Variants in ADAMTSL1 observed in about 807,000 individuals in gnomAD.
The protein encoded by ADAMTSL1 is ADAMTS like 1, also known as ADAMTS-like protein 1.
In ADAMTSL1, 126 loss-of-function variants were observed where a neutral mutation model predicts 201.8. The observed-to-expected ratio is 0.62, with a 90% CI of 0.54 to 0.72. The LOEUF (loss-of-function observed/expected upper bound fraction) is 0.72, where lower values mean the gene tolerates loss of function less well. Ranked by LOEUF, ADAMTSL1 falls within the 30% of genes least tolerant of loss-of-function variation. The probability of loss-of-function intolerance (pLI) is 0.00; values close to 1 mark genes in which losing one functional copy is unlikely to be tolerated. For synonymous variants in ADAMTSL1, 1,121 were observed against 903.4 expected (o/e 1.24, Z -4.32); for missense variants, 2,679 against 2,277.8 (o/e 1.18, Z -3.59).
Position 18,461,001 on chromosome 9 carries a change from G to A in ADAMTSL1, c.208-43828G>A, listed in dbSNP as rs566779632. ...AAAGATATCAGAACACTGTCATTTT[G>A]CAAGGAAAATTAAATACATGTGTCC... On this transcript the variant is annotated intron_variant, in intron 2 of 29. Transcript: ENST00000680146. 1.9e-3 allele frequency among the ~76,000 whole-genome samples: 290 copies of A among 152,186 alleles called. 2 individuals are homozygous for A. Among genetic ancestry groups the A allele is most frequent in the Middle Eastern group, 3.4e-3 (1 of 294 alleles).
chr9:18,846,943 G>T (rs1243124627), intron 23 of ADAMTSL1, among the ~76,000 whole-genome samples: 2 of 152,162 alleles, frequency 1.3e-5, no homozygotes, highest in Non-Finnish European at 2.9e-5. Context: ...ACACATCCCA[G>T]ACCACTCAAG....
chr9:18,782,400 C>T (rs1291473374), intron 19 of ADAMTSL1, among the ~76,000 whole-genome samples: 1 of 152,190 alleles, frequency 6.6e-6, no homozygotes, highest in Non-Finnish European at 1.5e-5. Flanking sequence ...TTGGAGAGAA[C>T]TTCCTTGTCC....
intron 7 of ADAMTSL1, among the ~76,000 whole-genome samples, chr9:18,650,215 C>G (rs886260082): frequency 1.3e-5 from 2 of 152,230 alleles, no homozygotes; most frequent in Non-Finnish European, 2.9e-5. Flanking sequence ...ATATAATCTC[C>G]TGGTGTGCCG....
chr9:17,972,585 C>A (rs891048532), intron 1 of ADAMTSL1, among the ~76,000 whole-genome samples: 1 of 151,760 alleles, frequency 6.6e-6, no homozygotes, highest in Admixed American at 6.6e-5. Context: ...TAGGTTGGTT[C>A]CAAGTCTTTG....
chr9:18,323,177 A>T, intron 2 of ADAMTSL1, among the ~76,000 whole-genome samples: 1 of 152,250 alleles, frequency 6.6e-6, no homozygotes, highest in East Asian at 1.9e-4. Flanking sequence ...ATACTAAAAA[A>T]GATTAATAGA....
At chr9:18,679,692 C>T (rs545791602) in intron 10 of ADAMTSL1, among the ~76,000 whole-genome samples, 7 of 152,240 alleles carry the variant, frequency 4.6e-5, no homozygotes, top group South Asian at 2.1e-4. Context: ...ATAATATTAA[C>T]GCTTCTGCTC....
At chr9:18,054,501 G>A (rs1216726079) in intron 1 of ADAMTSL1, among the ~76,000 whole-genome samples, 4 of 152,200 alleles carry the variant, frequency 2.6e-5, no homozygotes, top group Non-Finnish European at 5.9e-5. Context: ...AGGTCTGTAT[G>A]TGTGTTGGAG....
chr9:18,156,360 T>C (rs558738339), intron 1 of ADAMTSL1, among the ~76,000 whole-genome samples: 1 of 152,132 alleles, frequency 6.6e-6, no homozygotes, highest in South Asian at 2.1e-4. Context: ...TATCTTCAAC[T>C]TGATTTAAAG....
chr9:18,251,021 G>T (rs560584848), intron 2 of ADAMTSL1, among the ~76,000 whole-genome samples: 1 of 151,810 alleles, frequency 6.6e-6, no homozygotes, highest in Non-Finnish European at 1.5e-5. Context: ...AAATAGAAGA[G>T]AATGTTAACA....
chr9:18,170,592 C>T (rs1308393002), intron 2 of ADAMTSL1, among the ~76,000 whole-genome samples: 1 of 151,582 alleles, frequency 6.6e-6, no homozygotes, highest in African/African-American at 2.4e-5. Context: ...CCTATGGGAC[C>T]AATAATTAAT....
chr9:18,795,207 C>T (rs1822333197), intron 19 of ADAMTSL1, among the ~76,000 whole-genome samples, 190 bp from the exon 20 acceptor site: 1 of 152,224 alleles, frequency 6.6e-6, no homozygotes, highest in Admixed American at 6.5e-5. Context: ...TTTGAGATCA[C>T]TACCACAGTC....
intron 1 of ADAMTSL1, among the ~76,000 whole-genome samples, chr9:18,014,095 A>G (rs757875486): frequency 1.3e-5 from 2 of 151,982 alleles, no homozygotes; most frequent in Non-Finnish European, 2.9e-5. Flanking sequence ...TGAAAATAAG[A>G]GGTTCATTTT....
chr9:18,284,344 T>G (rs1237923763), intron 2 of ADAMTSL1, among the ~76,000 whole-genome samples: 1 of 152,234 alleles, frequency 6.6e-6, no homozygotes, highest in East Asian at 1.9e-4. Context: ...TTTGTCCATA[T>G]GCTTATGTAC....
intron 1 of ADAMTSL1, among the ~76,000 whole-genome samples, chr9:18,074,586 TG>T (rs1314757295): frequency 1.3e-5 from 2 of 151,494 alleles, no homozygotes; most frequent in Admixed American, 6.6e-5. Flanking sequence ...TTTCTTTTTT[TG>T]TTGTTGTTGT....
At chr9:18,740,246 G>A (rs1422694470) in intron 15 of ADAMTSL1, among the ~76,000 whole-genome samples, 1 of 152,068 alleles carries the variant, frequency 6.6e-6, no homozygotes, top group Non-Finnish European at 1.5e-5. Flanking sequence ...GATTAGGGGA[G>A]GTCAAGAAGC....
At chr9:18,656,029 C>T (rs1033952045) in intron 7 of ADAMTSL1, among the ~76,000 whole-genome samples, 1 of 151,816 alleles carries the variant, frequency 6.6e-6, no homozygotes, top group Non-Finnish European at 1.5e-5. Context: ...TTAGAAAATA[C>T]GTAAATGCTC....
intron 2 of ADAMTSL1, among the ~76,000 whole-genome samples, chr9:18,387,229 A>T (rs1837833357): frequency 6.6e-6 from 1 of 152,150 alleles, no homozygotes; most frequent in African/African-American, 2.4e-5. Flanking sequence ...TAAATATATA[A>T]AATGTGAAGA....
intron 2 of ADAMTSL1, among the ~76,000 whole-genome samples, chr9:18,274,645 A>C (rs1832515027): frequency 6.6e-6 from 1 of 152,210 alleles, no homozygotes; most frequent in Non-Finnish European, 1.5e-5. Flanking sequence ...ATTATATAAT[A>C]AGTGCACAAA....
chr9:18,254,504 A>G (rs1831598779), intron 2 of ADAMTSL1, among the ~76,000 whole-genome samples: 1 of 151,290 alleles, frequency 6.6e-6, no homozygotes, highest in Admixed American at 6.6e-5. Flanking sequence ...CTGGGACTAC[A>G]GGCTCCCGCC....
Sources: gnomAD v4.1 joint callset for allele counts (sites outside exome capture counted in the v4.1 genomes callset) on GRCh38, gnomAD v4.1.1 for gene constraint, MANE v1.5 for transcripts, NCBI Gene and HGNC (gene_info 2026-07-23, HGNC 2026-07-21) for gene names.